The following KCNJ18 variants were observed in gnomAD, a reference collection of about 807,000 sequenced individuals.
KCNJ18 encodes the protein potassium inwardly rectifying channel subfamily J member 18.
In KCNJ18, 16 loss-of-function variants were observed where a neutral mutation model predicts 17.3. That is an observed-to-expected ratio of 0.92 (90% CI 0.62 to 1.40). The LOEUF is 1.40. Ranked by LOEUF, KCNJ18 falls within the 40% of genes most tolerant of loss-of-function variation. KCNJ18 has a pLI of 0.00. For synonymous variants in KCNJ18, 185 were observed against 262.6 expected (o/e 0.70, Z 2.86); for missense variants, 462 against 626.8 (o/e 0.74, Z 2.81).
At chr17:21,701,172 GC>G (rs1384291949) in intron 2 of KCNJ18, among the ~76,000 whole-genome samples, 3 of 152,186 alleles carry the variant, frequency 2.0e-5, no homozygotes, top group African/African-American at 7.2e-5. Context: ...TTTAGTGGGG[GC>G]AGCACAGCCT....
At position 21,703,594 on chromosome 17, in the gene KCNJ18, A is replaced by G. The variant is rs1183387585; in HGVS notation, c.808A>G (p.Ile270Val). 48 of 1,613,124 alleles carry G rather than the reference A, an allele frequency of 3.0e-5. 1 individual carries two copies. The Middle Eastern group carries it at 8.2e-4, about 28-fold the overall frequency. The part of the protein sequence containing the change: ...DRIFLVSPIT[I>V]LHEIDEASPL... ...CATCTTTCTGGTGTCGCCCATCACC[A>G]TCTTGCATGAAATTGACGAGGCCAG... The change falls in exon 3 of 3, where the codon ATC becomes GTC. Residue 270 changes from isoleucine (I) to valine (V), a missense_variant. Around this residue, in one of 5 missense-constraint regions of KCNJ18, gnomAD observed 55 missense variants for 69.1 expected, o/e 0.80. Transcript: ENST00000567955.
chr17:21,693,393 G>A (rs1289639936), intron 1 of KCNJ18, among the ~76,000 whole-genome samples: 4 of 152,308 alleles, frequency 2.6e-5, no homozygotes, highest in Non-Finnish European at 4.4e-5. Context: ...GGGAGTGAGG[G>A]ACGAGGTTGG....
At chr17:21,702,572 G>T (rs1905996151) in intron 2 of KCNJ18, among the ~76,000 whole-genome samples, 159 bp from the exon 3 acceptor site, 1 of 152,234 alleles carries the variant, frequency 6.6e-6, no homozygotes, top group Non-Finnish European at 1.5e-5. Flanking sequence ...CACTCGCACT[G>T]GGAAGGCGGA....
intron 2 of KCNJ18, among the ~76,000 whole-genome samples, chr17:21,702,015 A>G (rs1905972461): frequency 1.3e-5 from 2 of 152,226 alleles, no homozygotes; most frequent in South Asian, 4.1e-4. Flanking sequence ...GCCCCCAGCT[A>G]CGTTATTGTT....
chr17:21,702,266 C>T (rs2142272066), intron 2 of KCNJ18, among the ~76,000 whole-genome samples: 1 of 152,024 alleles, frequency 6.6e-6, no homozygotes. Context: ...AGGAGCTTCC[C>T]TGTGCAGGTT....
intron 2 of KCNJ18, among the ~76,000 whole-genome samples, chr17:21,700,010 G>A (rs1307935854): frequency 6.6e-5 from 10 of 152,416 alleles, no homozygotes; most frequent in African/African-American, 2.4e-4. Context: ...TCACGCCGGC[G>A]TCTGAGTGCC....
intron 2 of KCNJ18, among the ~76,000 whole-genome samples, chr17:21,701,961 A>G (rs1358684444): frequency 1.3e-5 from 2 of 152,206 alleles, no homozygotes; most frequent in African/African-American, 4.8e-5. Context: ...AAAATGTGCT[A>G]CCCTTAGGGA....
In KCNJ18 at chr17:21,704,532, A is replaced by G; in HGVS notation, c.*444A>G. The G allele has an allele frequency of 6.8e-6, 1 of 146,820 alleles. No homozygotes were observed. The highest frequency in any genetic ancestry group is 1.6e-5 in the Non-Finnish European group (1 of 64,516). The allele number at this position is 146,820 out of a possible 1,614,324, so 9.1% of individuals were successfully genotyped here. A position where few individuals can be genotyped will look rare whatever the true frequency, so the allele number is the denominator to read the frequency against. On this transcript the variant is annotated 3_prime_UTR_variant, in exon 3 of 3. Transcript: ENST00000567955. ...TTGGGTGAGACTGTTTACAAAAAAA[A>G]AAAAAACCATGCAATTGGAGAAAAA...
chr17:21,695,203 C>T (rs1454891091), intron 1 of KCNJ18, among the ~76,000 whole-genome samples: 84 of 45,040 alleles, frequency 1.9e-3, no homozygotes, highest in African/African-American at 5.3e-3. Context: ...ATCCATTCAT[C>T]CATCCATCCA....
chr17:21,697,974 A>T lies in KCNJ18; in HGVS notation c.-57+1870A>T, dbSNP rs1250660824. Among the ~76,000 whole-genome samples, 39 of 152,298 alleles carry T rather than the reference A, an allele frequency of 2.6e-4. No individual in the cohort carries two copies. In the South Asian group the frequency reaches 3.8e-3, roughly 15 times the overall value. On this transcript the variant is annotated intron_variant, in intron 2 of 2. Coordinates refer to ENST00000567955, the MANE Select transcript of KCNJ18 (RefSeq NM_001194958.2). ...CCTTCCCTGCATTGAGTGATCTCCA[A>T]GGGGTCTTCCAATGGTAAGGCTTGA...
Position 21,703,090 on chromosome 17 carries a change from T to C in KCNJ18, c.304T>C (p.Phe102Leu). The C allele has an allele frequency of 6.2e-7, 1 of 1,612,926 alleles. No homozygotes were observed. The highest frequency in any genetic ancestry group is 1.1e-5 in the South Asian group (1 of 90,990). ...CTCCTGGCTGCTGTTCGGCGTCATC[T>C]TCTGGGTCATCGCGGTGGCACACGG... ...LASWLLFGVI[F>L]WVIAVAHGDL... The change falls in exon 3 of 3, where the codon TTC becomes CTC. Residue 102 changes from phenylalanine to leucine, a missense_variant. By Grantham distance (22) the Phe-to-Leu change is conservative. Around this residue, in one of 5 missense-constraint regions of KCNJ18, gnomAD observed 237 missense variants for 259.4 expected, o/e 0.91. Transcript: ENST00000567955.
rs527236154 is a variant in KCNJ18, at chr17:21,703,288, G to A, written c.502G>A (p.Val168Met). ...CTTCATGGTGGTGGCCCAGTCCATC[G>A]TGGGCTGCATCATCGACTCCTTCAT... ...AVFMVVAQSI[V>M]GCIIDSFMIG... Residue 168 changes from valine to methionine, a missense_variant, in exon 3 of 3, where the codon GTG becomes ATG. Transcript: ENST00000567955. The A allele has an allele frequency of 3.9e-5, 62 of 1,608,746 alleles. No individual in the cohort carries two copies. In the East Asian group the frequency reaches 7.4e-4, roughly 19 times the overall value.
In KCNJ18 at chr17:21,704,102, G is replaced by T. The variant is rs1228070528; in HGVS notation, c.*14G>T. ...TCAGAGATCTGAGCCAACCTTGGCC[G>T]ACATGCAGCATCCACCCCTGGCCGG... On this transcript the variant is annotated 3_prime_UTR_variant, in exon 3 of 3. Coordinates refer to ENST00000567955, the MANE Select transcript of KCNJ18 (RefSeq NM_001194958.2). 53 of 1,532,232 alleles carry T rather than the reference G, an allele frequency of 3.5e-5. No homozygotes were observed. The South Asian group carries it at 5.0e-4, about 14-fold the overall frequency. The allele number at this position is 1,532,232 out of a possible 1,614,324, so 94.9% of individuals were successfully genotyped here. A position where few individuals can be genotyped will look rare whatever the true frequency, so the allele number is the denominator to read the frequency against.
intron 2 of KCNJ18, among the ~76,000 whole-genome samples, chr17:21,700,468 C>T (rs1205634421): frequency 4.1e-5 from 4 of 97,800 alleles, no homozygotes; most frequent in South Asian, 4.6e-4. Flanking sequence ...CTCTCTCAGG[C>T]GGCAGTTGCT....
Position 21,703,881 on chromosome 17 carries a change from C to G in KCNJ18, c.1095C>G (p.Asn365Lys). ...GCAGTGCGAAGGATCTGGTAGAGAA[C>G]AAGTTCCTGCTGCCCAGTGCCAACT... ...PRCSAKDLVE[N>K]KFLLPSANSF... The change falls in exon 3 of 3, where the codon AAC (asparagine) becomes AAG (lysine). Residue 365 changes from asparagine (N) to lysine (K), a missense_variant. Transcript: ENST00000567955. 1.2e-6 allele frequency: 2 copies of G among 1,612,850 alleles called. No individual in the cohort carries two copies.
rs1478692268 is a variant in KCNJ18, at chr17:21,704,063, C to A, written c.1277C>A (p.Pro426His). The A allele has an allele frequency of 6.4e-7, 1 of 1,559,394 alleles. No homozygotes were observed. The highest frequency in any genetic ancestry group is 8.7e-7 in the Non-Finnish European group (1 of 1,153,832). The change falls in exon 3 of 3, where the codon CCC (proline) becomes CAC (histidine). Residue 426 changes from proline to histidine, a missense_variant. Pro to His is a moderately conservative substitution (Grantham distance 77, BLOSUM62 -2). Around this residue, in one of 5 missense-constraint regions of KCNJ18, gnomAD observed 123 missense variants for 117.5 expected, o/e 1.05. Transcript: ENST00000567955. The stretch of plus-strand genomic sequence containing the variant: ...GGCGGCGGGGTCCTGGAGCAGCGGC[C>A]CTACAGACGGGGGTCAGAGATCTGA... ...QAGGGVLEQR[P>H]YRRGSEI
At chr17:21,693,896 T>C (rs1448496634) in intron 1 of KCNJ18, among the ~76,000 whole-genome samples, 1 of 152,144 alleles carries the variant, frequency 6.6e-6, no homozygotes, top group Non-Finnish European at 1.5e-5. Context: ...AGTGTAGGCC[T>C]GTGGCTTCTG....
chr17:21,703,984 A>T lies in KCNJ18; in HGVS notation c.1198A>T (p.Ser400Cys), dbSNP rs1388881941. Residue 400 changes from serine (S) to cysteine (C), a missense_variant, in exon 3 of 3, where the codon AGC (serine) becomes TGC (cysteine). Ser to Cys is a moderately radical substitution (Grantham distance 112, BLOSUM62 -1). This residue lies in a region of KCNJ18 where 123 missense variants were observed against 117.5 expected (regional missense o/e 1.05). Coordinates refer to ENST00000567955, the MANE Select transcript of KCNJ18 (RefSeq NM_001194958.2). ...DEADGDQDGR[S>C]RDGLSPQARH... ...GGCGGACGGAGACCAGGACGGCCGA[A>T]GCCGGGATGGCCTCAGCCCCCAGGC... The T allele has an allele frequency of 5.6e-6, 9 of 1,602,142 alleles. No homozygotes were observed. Among genetic ancestry groups the T allele is most frequent in the Admixed American group, 5.0e-5 (3 of 59,858 alleles).
rs2142272356 is a variant in KCNJ18 at position 21,702,656 on chromosome 17, C to A, written c.-56-75C>A. 1.1e-5 allele frequency: 11 copies of A among 1,005,938 alleles called. No homozygotes were observed. In the East Asian group the frequency reaches 1.8e-4, roughly 17 times the overall value. The allele number at this position is 1,005,938 out of a possible 1,614,324, so 62.3% of individuals were successfully genotyped here. On this transcript the variant is annotated intron_variant, in intron 2 of 2. Coordinates refer to ENST00000567955, the MANE Select transcript of KCNJ18 (RefSeq NM_001194958.2). ...GGGTGGAAGCGTCCTCCAGTCACGTCTGGGGGCCCTGGGATGGGGGTAGAG... is the reference window on the plus strand; with the variant it reads ...GGGTGGAAGCGTCCTCCAGTCACGTATGGGGGCCCTGGGATGGGGGTAGAG...
Sources: gnomAD v4.1 joint callset for allele counts (sites outside exome capture counted in the v4.1 genomes callset) on GRCh38, gnomAD v4.1.1 for gene constraint, gnomAD v4.1.1 regional missense constraint, MANE v1.5 for transcripts, NCBI Gene and HGNC (gene_info 2026-07-23, HGNC 2026-07-21) for gene names.